Variants in CENPU observed in about 807,000 individuals in gnomAD.
CENPU encodes centromere protein U.
CENPU carries 46 observed loss-of-function variants against 56.7 expected under a neutral mutation model. The ratio of observed to expected loss-of-function variants is 0.81; its 90% CI spans 0.64 to 1.04. The LOEUF (loss-of-function observed/expected upper bound fraction) is 1.04, where lower values mean the gene tolerates loss of function less well. CENPU is among the 50% of genes least tolerant of loss of function. CENPU has a pLI of 0.00. For missense variants in CENPU, 510 were observed against 490.1 expected (o/e 1.04, Z -0.38); for synonymous variants, 166 against 163.0 (o/e 1.02, Z -0.14).
At position 184,694,823 on chromosome 4, in the gene CENPU, T is replaced by G. The variant is rs775203598; in HGVS notation, c.*465A>C. 1 of 1,495,252 alleles carries G rather than the reference T, an allele frequency of 6.7e-7. No individual in the cohort carries two copies. Among genetic ancestry groups the G allele is most frequent in the Non-Finnish European group, 9.2e-7 (1 of 1,083,022 alleles). 92.6% of individuals were successfully genotyped at this position (1,495,252 alleles called of 1,614,324 possible). On this transcript the variant is annotated 3_prime_UTR_variant, in exon 13 of 13. Transcript: ENST00000281453. ...TTTTGTCACCAGGCTATAATTTGCC[T>G]GATGTCTGTGAGATTTGATAAATAT...
chr4:184,698,090 G>A (rs1262539249), intron 11 of CENPU: 2 of 286,334 alleles, frequency 7.0e-6, no homozygotes, highest in African/African-American at 4.5e-5. Context: ...GGGAACTACT[G>A]GATCAAATGT....
rs377613591 is a variant in CENPU at position 184,694,477 on chromosome 4, A to C, written c.*811T>G. ...AGGTTAAATCACATATCCTGAGTAA[A>C]TATTTTCCTATCCCACTCTCTATCC... On this transcript the variant is annotated 3_prime_UTR_variant, in exon 13 of 13. Coordinates refer to ENST00000281453, the MANE Select transcript of CENPU (RefSeq NM_024629.4). The C allele has an allele frequency of 2.5e-6, 4 of 1,584,760 alleles. No individual in the cohort carries two copies. Among genetic ancestry groups the C allele is most frequent in the Admixed American group, 1.8e-5 (1 of 56,728 alleles).
chr4:184,721,180 T>C (rs1290317594), intron 4 of CENPU, among the ~76,000 whole-genome samples: 1 of 152,136 alleles, frequency 6.6e-6, no homozygotes, highest in Non-Finnish European at 1.5e-5. Flanking sequence ...GGTTAAGTTG[T>C]TAATGGCATA....
In CENPU at chr4:184,718,214, G is replaced by A. The variant is rs530776558; in HGVS notation, c.321-1018C>T. Among the ~76,000 whole-genome samples, 3 of 152,290 alleles carry A rather than the reference G, an allele frequency of 2.0e-5. No homozygotes were observed. In the East Asian group the frequency reaches 5.8e-4, roughly 29 times the overall value. ...AACAAGTAAGCACAGCAAGGGTCTG[G>A]GGCCTCGACGTTTCTGCCCAATACA... On this transcript the variant is annotated intron_variant, in intron 4 of 12. Transcript: ENST00000281453.
chr4:184,733,976 G>T (rs760182353), intron 1 of CENPU, 40 bp downstream of exon 1: 3 of 1,610,924 alleles, frequency 1.9e-6, no homozygotes, highest in Admixed American at 3.3e-5. Flanking sequence ...AGTTCAAGCT[G>T]GTCTCCGGCC....
intron 4 of CENPU, among the ~76,000 whole-genome samples, chr4:184,724,237 G>C (rs1031084918): frequency 1.3e-5 from 2 of 152,076 alleles, no homozygotes; most frequent in Admixed American, 6.5e-5. Context: ...CTGCACTCCA[G>C]CGTGGGCAAC....
In CENPU at chr4:184,729,695, T is replaced by C. The variant is rs58380846; in HGVS notation, c.97-660A>G. 7.8e-3 allele frequency among the ~76,000 whole-genome samples: 1,193 copies of C among 152,300 alleles called. 17 individuals are homozygous for C. The highest frequency in any genetic ancestry group is 0.027 in the African/African-American group (1,106 of 41,548). Reference sequence around the variant, plus strand: ...GTGATGGGTCCTGTCTCCGGAAATATGCCCATATACCCAAAAGTTCATAAA... The same window carrying C: ...GTGATGGGTCCTGTCTCCGGAAATACGCCCATATACCCAAAAGTTCATAAA... On this transcript the variant is annotated intron_variant, in intron 2 of 12. Transcript: ENST00000281453.
chr4:184,699,243 T>C (rs1021410887), intron 11 of CENPU, among the ~76,000 whole-genome samples: 4 of 151,920 alleles, frequency 2.6e-5, no homozygotes, highest in South Asian at 2.1e-4. Context: ...GGCAGGAGAA[T>C]AGCGCGAACC....
Position 184,725,197 on chromosome 4 carries a change from T to C in CENPU, c.215-135A>G, listed in dbSNP as rs574976049. The C allele has an allele frequency of 3.9e-4, 196 of 501,794 alleles. No individual in the cohort carries two copies. The Middle Eastern group carries it at 6.8e-3, about 17-fold the overall frequency. 31.1% of individuals were successfully genotyped at this position (501,794 alleles called of 1,614,324 possible). ...AATCAAAATCAATTACACAGGCCAC[T>C]TCCCAAATGTTTTTGATCTCACACC... On this transcript the variant is annotated intron_variant, in intron 3 of 12. Coordinates refer to ENST00000281453, the MANE Select transcript of CENPU (RefSeq NM_024629.4).
At chr4:184,722,720 A>C (rs186453426) in intron 4 of CENPU, among the ~76,000 whole-genome samples, 195 of 149,216 alleles carry the variant, frequency 1.3e-3, no homozygotes, top group Middle Eastern at 0.01. Flanking sequence ...CAAAACAAAA[A>C]AAAACTGTAA....
chr4:184,708,770 T>G (rs1262235291), intron 8 of CENPU, among the ~76,000 whole-genome samples: 3 of 152,016 alleles, frequency 2.0e-5, no homozygotes, highest in African/African-American at 7.2e-5. Context: ...ACATAAAGAG[T>G]CACACTGAGG....
intron 1 of CENPU, 101 bp from the exon 2 acceptor site, chr4:184,731,069 AAC>A (rs200616790): frequency 0.18 from 102,703 of 566,382 alleles, 277 homozygotes; most frequent in East Asian, 0.35. Context: ...CAAAAAAAAA[AAC>A]AAGAACCCAT....
chr4:184,723,426 AT>A (rs1761343930), intron 4 of CENPU, among the ~76,000 whole-genome samples: 2 of 152,194 alleles, frequency 1.3e-5, no homozygotes, highest in Non-Finnish European at 1.5e-5. Flanking sequence ...ACCTTTTTAT[AT>A]TTTTAAACCA....
chr4:184,715,373 A>G (rs1195896788), intron 6 of CENPU, among the ~76,000 whole-genome samples: 4 of 151,274 alleles, frequency 2.6e-5, no homozygotes, highest in Admixed American at 2.6e-4. Context: ...GTACAGTGGC[A>G]CGGTCTCAGC....
chr4:184,726,352 T>C (rs747401664), intron 3 of CENPU, among the ~76,000 whole-genome samples: 10 of 149,652 alleles, frequency 6.7e-5, no homozygotes, highest in Non-Finnish European at 1.2e-4. Context: ...CCAATAATCA[T>C]ACATAAGAAG....
In CENPU at chr4:184,725,329, A is replaced by G. The variant is rs564883198; in HGVS notation, c.215-267T>C. Among the ~76,000 whole-genome samples the G allele has an allele frequency of 1.1e-3, 173 of 152,362 alleles. 1 individual carries two copies. Among genetic ancestry groups the G allele is most frequent in the African/African-American group, 4.1e-3 (169 of 41,592 alleles). ...TGGAATTATTTTTGGTTTCTGAAAC[A>G]GGGCCTCACTCTGCCGCCCAGCCTG... On this transcript the variant is annotated intron_variant, in intron 3 of 12. Coordinates refer to ENST00000281453, the MANE Select transcript of CENPU (RefSeq NM_024629.4).
intron 1 of CENPU, among the ~76,000 whole-genome samples, chr4:184,731,773 C>T (rs1761653999): frequency 6.6e-6 from 1 of 152,082 alleles, no homozygotes; most frequent in Admixed American, 6.6e-5. Flanking sequence ...GCAAAATCAG[C>T]TTAGTCTAAA....
At chr4:184,716,941 A>G (rs969299128) in intron 5 of CENPU, among the ~76,000 whole-genome samples, 195 bp downstream of exon 5, 11 of 152,376 alleles carry the variant, frequency 7.2e-5, no homozygotes, top group African/African-American at 2.4e-4. Context: ...CACTTCAGTT[A>G]CAAAAATATT....
At chr4:184,708,132 G>A (rs1297445183) in intron 8 of CENPU, among the ~76,000 whole-genome samples, 3 of 151,296 alleles carry the variant, frequency 2.0e-5, no homozygotes, top group Non-Finnish European at 4.4e-5. Context: ...GCTGAGGCAG[G>A]TGAATCGCTT....
Sources: allele counts gnomAD v4.1 joint callset (sites outside exome capture counted in the v4.1 genomes callset), GRCh38; gene constraint gnomAD v4.1.1; transcripts MANE v1.5; gene names NCBI Gene and HGNC (gene_info 2026-07-23, HGNC 2026-07-21).